The following CHD6 variants were observed in gnomAD, a reference collection of about 807,000 sequenced individuals.
CHD6 encodes chromodomain helicase DNA binding protein 6, also known as ATP-dependent chromatin remodeler CHD6.
Under a neutral mutation model 276.9 loss-of-function variants are expected in CHD6, and 50 were observed. The observed-to-expected ratio is 0.18, with a 90% CI of 0.14 to 0.23. CHD6 has a LOEUF of 0.23. Ranked by LOEUF, CHD6 falls within the 10% of genes least tolerant of loss-of-function variation. The pLI is 1.00. For synonymous variants in CHD6, 1,173 were observed against 1,229.3 expected (o/e 0.95, Z 0.96); for missense variants, 2,564 against 3,365.8 (o/e 0.76, Z 5.89).
In CHD6 at chr20:41,437,288, G is replaced by A; in HGVS notation, c.4054C>T (p.Leu1352Phe). 1 of 1,613,330 alleles carries A rather than the reference G, an allele frequency of 6.2e-7. No individual in the cohort carries two copies. The highest frequency in any genetic ancestry group is 8.5e-7 in the Non-Finnish European group (1 of 1,179,450). ...ATTTGACTCACCGTTTGTTTCTGGA[G>A]GCCATCTACTTTGTCCTCAGCATTG... ...EDNAEDKVDG[L>F]QKQTESSSDG... The change falls in exon 27 of 37, where the codon CTC (leucine) becomes TTC (phenylalanine). Residue 1352 changes from leucine (L) to phenylalanine (F), a missense_variant. Physicochemically the swap from Leu to Phe is conservative, Grantham distance 22. Coordinates refer to ENST00000373233, the MANE Select transcript of CHD6 (RefSeq NM_032221.5).
At chr20:41,458,617 T>C (rs1600909204) in intron 17 of CHD6, among the ~76,000 whole-genome samples, 1 of 152,128 alleles carries the variant, frequency 6.6e-6, no homozygotes, top group Non-Finnish European at 1.5e-5. Context: ...GATATAGAAA[T>C]AGGTATGGAT....
chr20:41,426,433 T>A (rs953918227), intron 27 of CHD6, among the ~76,000 whole-genome samples: 3 of 152,188 alleles, frequency 2.0e-5, no homozygotes, highest in African/African-American at 7.2e-5. Context: ...ACTGGCACGC[T>A]CTCTCTGGCA....
At chr20:41,610,058 T>C (rs1237812541) in intron 1 of CHD6, among the ~76,000 whole-genome samples, 1 of 152,038 alleles carries the variant, frequency 6.6e-6, no homozygotes, top group Non-Finnish European at 1.5e-5. Context: ...GATTTCACCA[T>C]GTTGGCCAGG....
rs745357045 is a variant in CHD6, at chr20:41,452,039, TAC to T, written c.3324-16_3324-15del. The T allele has an allele frequency of 6.2e-7, 1 of 1,608,726 alleles. No individual in the cohort carries two copies. Among genetic ancestry groups the T allele is most frequent in the Admixed American group, 1.7e-5 (1 of 59,844 alleles). On this transcript the variant is annotated splice_polypyrimidine_tract_variant and intron_variant, in intron 21 of 36. Transcript: ENST00000373233. This position sits in a 1 kb window ranked among gnomAD's most constrained non-coding sequence, Gnocchi z 4.2. The stretch of plus-strand genomic sequence containing the variant: ...CACCGGCCCCAGCTGACAGTGGACA[TAC>T]AGACAGGTGTTGGAGGGAGAATGGA...
At chr20:41,538,401 C>G (rs1477980699) in intron 2 of CHD6, among the ~76,000 whole-genome samples, 1 of 152,044 alleles carries the variant, frequency 6.6e-6, no homozygotes, top group Admixed American at 6.6e-5. Context: ...CTGAAACATG[C>G]TACACCATGG....
At chr20:41,418,934 C>A (rs1035199526) in intron 31 of CHD6, among the ~76,000 whole-genome samples, 1 of 152,216 alleles carries the variant, frequency 6.6e-6, no homozygotes, top group Non-Finnish European at 1.5e-5. Context: ...AGTTCAGGAA[C>A]ATAATTTCTC....
chr20:41,577,511 A>T (rs1427943525), intron 1 of CHD6, among the ~76,000 whole-genome samples: 2 of 152,254 alleles, frequency 1.3e-5, no homozygotes, highest in Non-Finnish European at 2.9e-5. Flanking sequence ...TCAAGTAAAA[A>T]GATTCAAAAA....
At chr20:41,460,499 G>A (rs1319548986) in intron 17 of CHD6, among the ~76,000 whole-genome samples, 1 of 152,200 alleles carries the variant, frequency 6.6e-6, no homozygotes, top group East Asian at 1.9e-4. Context: ...TGCAGCCTAG[G>A]GACTTGTTGC....
rs533697789 is a variant in CHD6, at chr20:41,422,115, G to A, written c.4556-36C>T. The A allele has an allele frequency of 1.1e-4, 175 of 1,565,852 alleles. 1 individual carries two copies. The highest frequency in any genetic ancestry group is 1.7e-4 in the Middle Eastern group (1 of 5,786). ...AGGGAAATAAAGCCTATCACTGAAGGTGACCTCAGACACTCCCCGCCCACC... is the reference window on the plus strand; with the variant it reads ...AGGGAAATAAAGCCTATCACTGAAGATGACCTCAGACACTCCCCGCCCACC... On this transcript the variant is annotated intron_variant, in intron 30 of 36. Transcript: ENST00000373233.
intron 1 of CHD6, among the ~76,000 whole-genome samples, chr20:41,583,751 G>A (rs1223471760): frequency 6.6e-6 from 1 of 152,110 alleles, no homozygotes; most frequent in African/African-American, 2.4e-5. Flanking sequence ...ATAGGATGAA[G>A]AGGAAAAACT....
In CHD6 at chr20:41,417,440, G is replaced by A. The variant is rs1287458502; in HGVS notation, c.6128-91C>T. 6 of 1,172,198 alleles carry A rather than the reference G, an allele frequency of 5.1e-6. No homozygotes were observed. In the Admixed American group the frequency reaches 1.5e-4, roughly 30 times the overall value. The allele number at this position is 1,172,198 out of a possible 1,614,324, so 72.6% of individuals were successfully genotyped here. Reference sequence around the variant, plus strand: ...GATTAGGATATCCTCTTTTCCTTTTGCTTTTTAAATTAGCTCATTCTGTGC... The same window carrying A: ...GATTAGGATATCCTCTTTTCCTTTTACTTTTTAAATTAGCTCATTCTGTGC... On this transcript the variant is annotated intron_variant, in intron 31 of 36. Transcript: ENST00000373233.
chr20:41,494,872 A>C (rs570167196), intron 8 of CHD6, among the ~76,000 whole-genome samples: 47 of 152,332 alleles, frequency 3.1e-4, no homozygotes, highest in African/African-American at 1.1e-3. Context: ...AAACAGCTTT[A>C]TCTCTACCTC....
intron 1 of CHD6, among the ~76,000 whole-genome samples, chr20:41,561,677 C>T (rs563082177): frequency 6.6e-6 from 1 of 152,270 alleles, no homozygotes; most frequent in South Asian, 2.1e-4. Flanking sequence ...TTTTTAAGAC[C>T]TTCATGTCTG....
In CHD6 at chr20:41,603,956, G is replaced by A. The variant is rs114150985; in HGVS notation, c.-24+14384C>T. 2.9e-3 allele frequency among the ~76,000 whole-genome samples: 429 copies of A among 149,042 alleles called. 3 individuals carry two copies. The highest frequency in any genetic ancestry group is 0.01 in the African/African-American group (414 of 40,376). Reference sequence around the variant, plus strand: ...AGCTGGAAATGACAGGGTTAGCAAGGCCTTACCCTGGGTTCACCTATTCCT... The same window carrying A: ...AGCTGGAAATGACAGGGTTAGCAAGACCTTACCCTGGGTTCACCTATTCCT... On this transcript the variant is annotated intron_variant, in intron 1 of 36. Coordinates refer to ENST00000373233, the MANE Select transcript of CHD6 (RefSeq NM_032221.5).
intron 23 of CHD6, among the ~76,000 whole-genome samples, chr20:41,448,837 C>A (rs1300989368): frequency 6.6e-6 from 1 of 152,054 alleles, no homozygotes; most frequent in African/African-American, 2.4e-5. Flanking sequence ...TTGGAAAGAA[C>A]CCTTATTATC....
chr20:41,523,612 T>C (rs1037347260), intron 3 of CHD6, among the ~76,000 whole-genome samples: 1 of 152,152 alleles, frequency 6.6e-6, no homozygotes, highest in African/African-American at 2.4e-5. Flanking sequence ...CTTTACTTTC[T>C]GTAGTTTGTC....
intron 1 of CHD6, among the ~76,000 whole-genome samples, chr20:41,586,422 T>G (rs1487798987): frequency 6.6e-6 from 1 of 152,206 alleles, no homozygotes; most frequent in Non-Finnish European, 1.5e-5. Context: ...TCGAGCTGAA[T>G]GCTAGTCTCT....
At chr20:41,414,368 C>T (rs1325218730) in intron 34 of CHD6, 3 of 152,966 alleles carry the variant, frequency 2.0e-5, no homozygotes, top group African/African-American at 7.2e-5. Flanking sequence ...AATAACAAAG[C>T]CCATCTTCAG....
intron 36 of CHD6, among the ~76,000 whole-genome samples, chr20:41,411,517 C>G (rs1261447801): frequency 6.6e-6 from 1 of 152,192 alleles, no homozygotes; most frequent in Non-Finnish European, 1.5e-5. Flanking sequence ...TATGTATAAT[C>G]TGCCCAAACT....
Sources: allele counts gnomAD v4.1 joint callset (sites outside exome capture counted in the v4.1 genomes callset), GRCh38; gene constraint gnomAD v4.1.1; non-coding constraint Gnocchi (gnomAD v3.1); transcripts MANE v1.5; gene names NCBI Gene and HGNC (gene_info 2026-07-23, HGNC 2026-07-21).